The following CTTNBP2NL variants were observed in gnomAD, a reference collection of about 807,000 sequenced individuals.
CTTNBP2NL encodes CTTNBP2 N-terminal-like protein.
CTTNBP2NL carries 16 observed loss-of-function variants against 32.5 expected under a neutral mutation model. The observed-to-expected ratio is 0.49, with a 90% CI of 0.33 to 0.75. The LOEUF (loss-of-function observed/expected upper bound fraction) is 0.75, where lower values mean the gene tolerates loss of function less well. Ranked by LOEUF, CTTNBP2NL falls within the 30% of genes least tolerant of loss-of-function variation. The pLI is 0.02. For missense variants in CTTNBP2NL, 645 were observed against 756.0 expected (o/e 0.85, Z 1.72); for synonymous variants, 298 against 289.4 (o/e 1.03, Z -0.30).
In CTTNBP2NL at chr1:112,455,910, CTCTTT is replaced by C; in HGVS notation, c.439-14_439-10del. On this transcript the variant is annotated splice_polypyrimidine_tract_variant and intron_variant, in intron 5 of 5. Transcript: ENST00000271277. ...TTGATCACAGTTTGTCAGTATGTCT[CTCTTT>C]TCTTTTTTTTTCTAGTTGGAATTTG... 1.3e-6 allele frequency: 2 copies of C among 1,559,224 alleles called. No homozygotes were observed. The highest frequency in any genetic ancestry group is 1.7e-6 in the Non-Finnish European group (2 of 1,152,554).
intron 4 of CTTNBP2NL, among the ~76,000 whole-genome samples, chr1:112,452,436 C>A (rs1650252736): frequency 6.9e-6 from 1 of 145,690 alleles, no homozygotes; most frequent in East Asian, 2.1e-4. Flanking sequence ...CCTCTGCCTA[C>A]TGGGTTCAAG....
upstream of CTTNBP2NL, among the ~76,000 whole-genome samples, chr1:112,394,266 T>C (rs1038632057): frequency 6.6e-6 from 1 of 150,858 alleles, no homozygotes; most frequent in African/African-American, 2.4e-5. Flanking sequence ...AGAACAACTC[T>C]TAGAGTGACT....
At chr1:112,435,538 C>G (rs958995650) in intron 3 of CTTNBP2NL, among the ~76,000 whole-genome samples, 1 of 152,110 alleles carries the variant, frequency 6.6e-6, no homozygotes, top group South Asian at 2.1e-4. Flanking sequence ...AGAAACTTAA[C>G]TTTAGTAATA....
At chr1:112,422,133 C>T (rs575983349) in intron 3 of CTTNBP2NL, among the ~76,000 whole-genome samples, 6 of 152,312 alleles carry the variant, frequency 3.9e-5, no homozygotes, top group Admixed American at 3.9e-4. Flanking sequence ...TCCTGCTCAA[C>T]TTTCCCCACT....
upstream of CTTNBP2NL, among the ~76,000 whole-genome samples, chr1:112,391,826 C>A (rs1163411509): frequency 6.6e-6 from 1 of 152,008 alleles, no homozygotes; most frequent in Non-Finnish European, 1.5e-5. Flanking sequence ...CCTGCCTCTA[C>A]TGAAAATATA....
intron 3 of CTTNBP2NL, among the ~76,000 whole-genome samples, chr1:112,433,217 G>A (rs1231039781): frequency 6.6e-6 from 1 of 152,162 alleles, no homozygotes; most frequent in Non-Finnish European, 1.5e-5. Context: ...GATCCTAAAG[G>A]GTAGAAGCCA....
In CTTNBP2NL at chr1:112,456,074, C is replaced by T. The variant is rs779766188; in HGVS notation, c.582C>T (p.Ala194=). The T allele has an allele frequency of 8.1e-6, 13 of 1,614,004 alleles. No homozygotes were observed. The highest frequency in any genetic ancestry group is 1.0e-5 in the Non-Finnish European group (12 of 1,180,008). The change falls in exon 6 of 6, where the codon GCC becomes GCT. Residue 194 remains alanine, a synonymous_variant. Transcript: ENST00000271277. ...GCAAGAAAGCCACCAACAAGGCAGC[C>T]GAGGAAGGACAGAAGGCAGGAGAGC... is the stretch of plus-strand genomic sequence containing the variant. ...LECKKATNKA[A]EEGQKAGELS...
chr1:112,392,742 G>GT (rs1341767426), upstream of CTTNBP2NL, among the ~76,000 whole-genome samples: 1 of 152,134 alleles, frequency 6.6e-6, no homozygotes. Flanking sequence ...GGATGATGTA[G>GT]TTACACGCCA....
chr1:112,410,406 A>G (rs1303240493), intron 1 of CTTNBP2NL, among the ~76,000 whole-genome samples: 1 of 150,282 alleles, frequency 6.7e-6, no homozygotes, highest in African/African-American at 2.4e-5. Flanking sequence ...AAAAAAAAAA[A>G]GTGTTATACT....
In CTTNBP2NL at chr1:112,460,305, G is replaced by A. The variant is rs1254170822; in HGVS notation, c.*2893G>A. On this transcript the variant is annotated 3_prime_UTR_variant, in exon 6 of 6. Transcript: ENST00000271277. ...ATTTGGGCATATTTTGTTGGGAAGAGGGGGTGGTGTAGAGGGAGCACTTGA... is the reference window on the plus strand; with the variant it reads ...ATTTGGGCATATTTTGTTGGGAAGAAGGGGTGGTGTAGAGGGAGCACTTGA... The A allele has an allele frequency of 6.6e-6, 1 of 152,182 alleles. No individual in the cohort carries two copies. Among genetic ancestry groups the A allele is most frequent in the Non-Finnish European group, 1.5e-5 (1 of 68,028 alleles). 9.4% of individuals were successfully genotyped at this position (152,182 alleles called of 1,614,324 possible).
upstream of CTTNBP2NL, among the ~76,000 whole-genome samples, chr1:112,394,107 G>T (rs1313954576): frequency 2.0e-5 from 3 of 151,804 alleles, no homozygotes; most frequent in Non-Finnish European, 4.4e-5. Flanking sequence ...TCGGAAAGCT[G>T]AGGCAGGAGA....
intron 1 of CTTNBP2NL, among the ~76,000 whole-genome samples, chr1:112,398,366 T>C (rs569828126): frequency 1.3e-5 from 2 of 152,342 alleles, no homozygotes; most frequent in South Asian, 4.1e-4. Flanking sequence ...CTGATCTCTC[T>C]CCTTGAATTA....
intron 3 of CTTNBP2NL, among the ~76,000 whole-genome samples, chr1:112,419,929 G>A (rs897071402): frequency 6.6e-6 from 1 of 152,258 alleles, no homozygotes; most frequent in African/African-American, 2.4e-5. Context: ...CATTGATAAA[G>A]ATCACATGAA....
At chr1:112,398,817 CA>C (rs3033224) in intron 1 of CTTNBP2NL, among the ~76,000 whole-genome samples, 27,345 of 94,162 alleles carry the variant, frequency 0.29, 2,200 homozygotes, top group Non-Finnish European at 0.33. Context: ...TGTCTCTTAA[CA>C]AAAAAAAAAA....
At chr1:112,415,674 A>G (rs1649037159) in intron 2 of CTTNBP2NL, among the ~76,000 whole-genome samples, 2 of 151,526 alleles carry the variant, frequency 1.3e-5, no homozygotes, top group Non-Finnish European at 2.9e-5. Flanking sequence ...CCCCTGCCTC[A>G]GCCTCCCGAG....
intron 3 of CTTNBP2NL, among the ~76,000 whole-genome samples, chr1:112,424,556 T>C (rs924518810): frequency 2.0e-5 from 3 of 152,198 alleles, no homozygotes; most frequent in Non-Finnish European, 4.4e-5. Flanking sequence ...TCCCTAAAAA[T>C]CCTGTTGGGA....
Position 112,456,832 on chromosome 1 carries a change from A to G in CTTNBP2NL, c.1340A>G (p.Tyr447Cys). Residue 447 changes from tyrosine (Y) to cysteine (C), a missense_variant, in exon 6 of 6, where the codon TAC (tyrosine) becomes TGC (cysteine). Tyr to Cys is a radical substitution (Grantham distance 194). Transcript: ENST00000271277. Reference sequence around the variant, plus strand: ...GGGTCATCAGCTAGCAGCCCTGGCTACCAGTCATCGTACCAAGTAGGGATC... The same window carrying G: ...GGGTCATCAGCTAGCAGCCCTGGCTGCCAGTCATCGTACCAAGTAGGGATC... Reference protein sequence around the residue: ...LLGSSASSPGYQSSYQVGINQ... With the variant: ...LLGSSASSPGCQSSYQVGINQ... The G allele has an allele frequency of 6.2e-7, 1 of 1,614,090 alleles. No individual in the cohort carries two copies. Among genetic ancestry groups the G allele is most frequent in the Non-Finnish European group, 8.5e-7 (1 of 1,180,030 alleles).
intron 1 of CTTNBP2NL, among the ~76,000 whole-genome samples, chr1:112,398,287 CTTTAACCTT>C (rs574996867): frequency 1.2e-3 from 183 of 152,252 alleles, no homozygotes; most frequent in African/African-American, 4.1e-3. Context: ...AAAATCTTTC[CTTTAACCTT>C]TTCAACACCT....
chr1:112,414,517 G>C, intron 2 of CTTNBP2NL, among the ~76,000 whole-genome samples: 1 of 152,242 alleles, frequency 6.6e-6, no homozygotes, highest in East Asian at 1.9e-4. Context: ...GCTCTGGAAG[G>C]AATCAATTCT....
Sources: allele counts gnomAD v4.1 joint callset (sites outside exome capture counted in the v4.1 genomes callset), GRCh38; gene constraint gnomAD v4.1.1; transcripts MANE v1.5; gene names NCBI Gene and HGNC (gene_info 2026-07-23, HGNC 2026-07-21).